The following LRP1B variants were observed in gnomAD, a reference collection of about 807,000 sequenced individuals.
LRP1B encodes the protein LDL receptor related protein 1B.
A neutral mutation model predicts 556.6 loss-of-function variants in LRP1B; 217 were observed. That is an observed-to-expected ratio of 0.39 (90% confidence interval 0.35 to 0.44). LRP1B has a LOEUF of 0.44. Ranked by LOEUF, LRP1B falls within the 20% of genes least tolerant of loss-of-function variation. LRP1B has a pLI of 1.00. For missense variants in LRP1B, 5,053 were observed against 5,620.8 expected (o/e 0.90, Z 3.23); for synonymous variants, 2,047 against 1,865.8 (o/e 1.10, Z -2.50).
Position 141,385,007 on chromosome 2 carries a change from A to G in LRP1B, c.343+95389T>C, listed in dbSNP as rs367891252. On this transcript the variant is annotated intron_variant, in intron 3 of 90. Transcript: ENST00000389484. ...CCCTGGACCCGCCTTTTAAACCCTT[A>G]TCCTGTGTCTTTCTAATACCTTTGT... is the stretch of plus-strand genomic sequence containing the variant. Among the ~76,000 whole-genome samples, 8 of 152,228 alleles carry G rather than the reference A, an allele frequency of 5.3e-5. 1 individual carries two copies. Among genetic ancestry groups the G allele is most frequent in the African/African-American group, 1.9e-4 (8 of 41,546 alleles).
intron 31 of LRP1B, among the ~76,000 whole-genome samples, chr2:140,836,253 T>C (rs531551111): frequency 7.9e-5 from 12 of 152,306 alleles, no homozygotes; most frequent in African/African-American, 1.4e-4. Flanking sequence ...AAAAGTTATA[T>C]ACTATTATCT....
intron 7 of LRP1B, among the ~76,000 whole-genome samples, chr2:141,184,287 A>G (rs1349511999): frequency 1.3e-5 from 2 of 152,070 alleles, no homozygotes; most frequent in Non-Finnish European, 2.9e-5. Context: ...TGGTGTCCTC[A>G]GAGGACATGC....
At chr2:141,106,724 C>G (rs953668397) in intron 7 of LRP1B, among the ~76,000 whole-genome samples, 5 of 152,172 alleles carry the variant, frequency 3.3e-5, no homozygotes, top group African/African-American at 1.2e-4. Flanking sequence ...CCACAGGGCA[C>G]TCACTCCTCT....
intron 67 of LRP1B, among the ~76,000 whole-genome samples, chr2:140,383,297 T>C (rs1253097065): frequency 7.0e-5 from 9 of 128,036 alleles, no homozygotes; most frequent in Non-Finnish European, 1.5e-4. Flanking sequence ...GATGTGCGTG[T>C]GTGTGTGTGT....
At chr2:141,493,982 C>T (rs549271023) in intron 2 of LRP1B, among the ~76,000 whole-genome samples, 2 of 152,286 alleles carry the variant, frequency 1.3e-5, no homozygotes, top group Non-Finnish European at 2.9e-5. Flanking sequence ...CTGACCCTTA[C>T]CACAAAACCC....
rs2105183170 is a variant in LRP1B, at chr2:140,378,263, C to G, written c.10555G>C (p.Asp3519His). Reference sequence around the variant, plus strand: ...CAGTCCCCATTGGCACAGAGGAAATCTTTCAATGTACATGTCTGTGGCTCT... The same window carrying G: ...CAGTCCCCATTGGCACAGAGGAAATGTTTCAATGTACATGTCTGTGGCTCT... ...NCKPQTCTLK[D>H]FLCANGDCVS... Residue 3519 changes from aspartate (D) to histidine (H), a missense_variant, in exon 68 of 91, where the codon GAT (aspartate) becomes CAT (histidine). Asp to His is a moderately conservative substitution (Grantham distance 81). This residue lies in a region of LRP1B where 599 missense variants were observed against 648.4 expected (regional missense o/e 0.92). Coordinates refer to ENST00000389484, the MANE Select transcript of LRP1B (RefSeq NM_018557.3). 1 of 1,612,028 alleles carries G rather than the reference C, an allele frequency of 6.2e-7. No homozygotes were observed.
intron 41 of LRP1B, among the ~76,000 whole-genome samples, chr2:140,622,846 G>A (rs1247451239): frequency 6.6e-6 from 1 of 152,130 alleles, no homozygotes. Context: ...TTTTTAAGAA[G>A]CATCTTAATT....
chr2:141,862,966 T>C (rs2105789713), intron 1 of LRP1B, among the ~76,000 whole-genome samples: 1 of 152,314 alleles, frequency 6.6e-6, no homozygotes, highest in Middle Eastern at 3.4e-3. Context: ...GGTTCAGTGT[T>C]GGCTGAATAG....
intron 7 of LRP1B, among the ~76,000 whole-genome samples, chr2:141,096,312 G>A (rs1700298708): frequency 6.6e-6 from 1 of 152,014 alleles, no homozygotes; most frequent in Non-Finnish European, 1.5e-5. Flanking sequence ...CCTCGGCCAG[G>A]CGCAGTGGCT....
chr2:140,672,482 T>TAA (rs55884730), intron 41 of LRP1B, among the ~76,000 whole-genome samples: 9,333 of 81,264 alleles, frequency 0.11, 823 homozygotes, highest in African/African-American at 0.14. Context: ...AGACTCCATC[T>TAA]AAAAAAAAAA....
intron 1 of LRP1B, among the ~76,000 whole-genome samples, chr2:142,057,726 T>C (rs1047541507): frequency 1.3e-5 from 2 of 152,202 alleles, no homozygotes; most frequent in Non-Finnish European, 2.9e-5. Context: ...AAATGGATTA[T>C]GAAGTTATTA....
intron 1 of LRP1B, among the ~76,000 whole-genome samples, chr2:141,991,592 A>G (rs1410193591): frequency 6.6e-6 from 1 of 152,096 alleles, no homozygotes; most frequent in Non-Finnish European, 1.5e-5. Flanking sequence ...ATTTAAGGAC[A>G]CAGTGCTCAG....
chr2:141,816,414 T>G (rs1489117501), intron 1 of LRP1B, among the ~76,000 whole-genome samples: 6 of 152,148 alleles, frequency 3.9e-5, no homozygotes, highest in African/African-American at 1.4e-4. Context: ...GCCTGCATCT[T>G]TCTCCTGTGC....
chr2:141,884,991 A>G (rs927695056), intron 1 of LRP1B, among the ~76,000 whole-genome samples: 6 of 152,200 alleles, frequency 3.9e-5, no homozygotes, highest in Admixed American at 2.0e-4. Context: ...GTGTTATGCT[A>G]TGGTAGATAT....
chr2:141,286,224 A>G (rs1444107027), intron 3 of LRP1B, among the ~76,000 whole-genome samples: 1 of 152,080 alleles, frequency 6.6e-6, no homozygotes, highest in Non-Finnish European at 1.5e-5. Context: ...ATGTTCATAT[A>G]CTTTTAAAAC....
intron 66 of LRP1B, 99 bp from the exon 67 acceptor site, chr2:140,386,108 C>T: frequency 2.8e-6 from 2 of 718,006 alleles, no homozygotes; most frequent in Non-Finnish European, 4.8e-6. Flanking sequence ...TATAATGTTT[C>T]CTTAATTCAG....
intron 3 of LRP1B, among the ~76,000 whole-genome samples, chr2:141,457,907 G>A (rs1275256233): frequency 6.6e-6 from 1 of 152,160 alleles, no homozygotes; most frequent in Non-Finnish European, 1.5e-5. Context: ...TTTGCAGGTG[G>A]CAATAAGGCT....
At chr2:140,999,604 A>G (rs1029266883) in intron 15 of LRP1B, among the ~76,000 whole-genome samples, 9 of 152,100 alleles carry the variant, frequency 5.9e-5, no homozygotes, top group Non-Finnish European at 1.2e-4. Flanking sequence ...ATTTAGAAAT[A>G]AATACTCTTC....
intron 37 of LRP1B, among the ~76,000 whole-genome samples, chr2:140,710,761 G>A (rs1404729671): frequency 1.3e-5 from 2 of 151,940 alleles, no homozygotes; most frequent in South Asian, 2.1e-4. Flanking sequence ...GAAGGCAAAT[G>A]GTATAAAACC....
Sources: gnomAD v4.1 joint callset for allele counts (sites outside exome capture counted in the v4.1 genomes callset) on GRCh38, gnomAD v4.1.1 for gene constraint, gnomAD v4.1.1 regional missense constraint, MANE v1.5 for transcripts, NCBI Gene and HGNC (gene_info 2026-07-23, HGNC 2026-07-21) for gene names.